EYS: variants seen among roughly 807,000 people sequenced by gnomAD.
EYS encodes the protein protein eyes shut homolog.
Under a neutral mutation model 282.1 loss-of-function variants are expected in EYS, and 250 were observed. The observed-to-expected ratio is 0.89, with a 90% CI of 0.80 to 0.98. EYS has a LOEUF of 0.98. Ranked by LOEUF, EYS falls within the 50% of genes least tolerant of loss-of-function variation. The probability of loss-of-function intolerance (pLI) is 0.00; values close to 1 mark genes in which losing one functional copy is unlikely to be tolerated. For missense variants in EYS, 4,016 were observed against 3,709.0 expected (o/e 1.08, Z -2.15); for synonymous variants, 1,355 against 1,282.9 (o/e 1.06, Z -1.20).
At chr6:64,811,159 G>T (rs1049433832) in intron 22 of EYS, among the ~76,000 whole-genome samples, 1 of 152,014 alleles carries the variant, frequency 6.6e-6, no homozygotes, top group African/African-American at 2.4e-5. Context: ...GGACTGTGTT[G>T]ATTTGGCACC....
At chr6:65,602,063 T>C (rs141518381) in intron 2 of EYS, among the ~76,000 whole-genome samples, 162 of 152,064 alleles carry the variant, frequency 1.1e-3, no homozygotes, top group African/African-American at 3.9e-3. Context: ...GCAGTGTGGA[T>C]GCATAATTTT....
intron 22 of EYS, among the ~76,000 whole-genome samples, chr6:64,754,189 GTA>G (rs1274588853): frequency 6.6e-6 from 1 of 151,916 alleles, no homozygotes; most frequent in Non-Finnish European, 1.5e-5. Flanking sequence ...CATCACACCT[GTA>G]TAAATGACAC....
chr6:64,331,978 A>G lies in EYS; in HGVS notation c.6079-24896T>C, dbSNP rs781492375. 5.7e-4 allele frequency among the ~76,000 whole-genome samples: 86 copies of G among 152,138 alleles called. 1 individual carries two copies. Among genetic ancestry groups the G allele is most frequent in the Non-Finnish European group, 4.9e-4 (33 of 68,014 alleles). ...GGACATTATTTCTAGATTTTGACTG[A>G]CTCTAACATTAGGATCAGACAGTGG... On this transcript the variant is annotated intron_variant, in intron 29 of 42. Coordinates refer to ENST00000503581, the MANE Select transcript of EYS (RefSeq NM_001142800.2).
intron 22 of EYS, among the ~76,000 whole-genome samples, chr6:64,732,679 A>G (rs1377985010): frequency 1.3e-5 from 2 of 152,186 alleles, no homozygotes; most frequent in Admixed American, 6.5e-5. Context: ...TCAAACCCAA[A>G]CCTCTAAATA....
At chr6:63,930,677 A>T (rs1033161341) in intron 35 of EYS, among the ~76,000 whole-genome samples, 2 of 152,226 alleles carry the variant, frequency 1.3e-5, no homozygotes, top group African/African-American at 2.4e-5. Context: ...TCAAAACTTC[A>T]TCATGGGTTA....
chr6:65,388,444 G>T (rs535819993), intron 7 of EYS, among the ~76,000 whole-genome samples: 1 of 152,126 alleles, frequency 6.6e-6, no homozygotes, highest in African/African-American at 2.4e-5. Context: ...TTTCAAGGCT[G>T]TGTCAGGATC....
chr6:64,556,044 G>C (rs1353065540), intron 26 of EYS, among the ~76,000 whole-genome samples: 1 of 151,990 alleles, frequency 6.6e-6, no homozygotes, highest in East Asian at 1.9e-4. Flanking sequence ...TAGTGAGAAT[G>C]CAATGGTACA....
At chr6:65,542,626 A>C (rs561985157) in intron 2 of EYS, among the ~76,000 whole-genome samples, 3 of 152,192 alleles carry the variant, frequency 2.0e-5, no homozygotes, top group African/African-American at 7.2e-5. Context: ...TCCATTTTTT[A>C]TTATGCTTGA....
In EYS at chr6:64,918,117, A is replaced by G. The variant is rs367917635; in HGVS notation, c.2382-5374T>C. On this transcript the variant is annotated intron_variant, in intron 15 of 42. Coordinates refer to ENST00000503581, the MANE Select transcript of EYS (RefSeq NM_001142800.2). ...ATTCATACCGAATTATAACATGAACATTACTAAACTCTTAACCTCTGCAAT... is the reference window on the plus strand; with the variant it reads ...ATTCATACCGAATTATAACATGAACGTTACTAAACTCTTAACCTCTGCAAT... Among the ~76,000 whole-genome samples the G allele has an allele frequency of 1.1e-4, 16 of 152,260 alleles. 1 individual carries two copies. The East Asian group carries it at 2.9e-3, about 28-fold the overall frequency.
chr6:65,374,873 C>A (rs1711883883), intron 8 of EYS, among the ~76,000 whole-genome samples: 1 of 152,172 alleles, frequency 6.6e-6, no homozygotes, highest in Non-Finnish European at 1.5e-5. Context: ...AGAAAGGCAG[C>A]TGCCCCAGTC....
intron 31 of EYS, among the ~76,000 whole-genome samples, chr6:64,180,204 A>G (rs536022414): frequency 6.6e-6 from 1 of 152,220 alleles, no homozygotes; most frequent in East Asian, 1.9e-4. Flanking sequence ...GCACATTTAA[A>G]TTCCCACTCC....
chr6:64,538,947 G>A (rs1390207094), intron 26 of EYS, among the ~76,000 whole-genome samples: 2 of 151,988 alleles, frequency 1.3e-5, no homozygotes, highest in African/African-American at 4.8e-5. Flanking sequence ...GCTCATCCCC[G>A]CTGAGCCCAG....
chr6:64,394,755 G>T (rs1773297127), intron 28 of EYS, among the ~76,000 whole-genome samples: 1 of 151,876 alleles, frequency 6.6e-6, no homozygotes, highest in South Asian at 2.1e-4. Context: ...CAAAAGCAAT[G>T]GCAACAAAAG....
chr6:64,382,303 A>G (rs999013070), intron 29 of EYS, among the ~76,000 whole-genome samples: 1 of 152,172 alleles, frequency 6.6e-6, no homozygotes, highest in Non-Finnish European at 1.5e-5. Context: ...TAAATACTAT[A>G]GCCTGAGAAC....
At chr6:65,432,419 A>C (rs1442616994) in intron 5 of EYS, among the ~76,000 whole-genome samples, 1 of 152,160 alleles carries the variant, frequency 6.6e-6, no homozygotes, top group Admixed American at 6.5e-5. Context: ...AACCATTATA[A>C]TTTATAATAA....
intron 19 of EYS, among the ~76,000 whole-genome samples, chr6:64,832,818 C>T (rs1387068230): frequency 6.6e-6 from 1 of 151,862 alleles, no homozygotes; most frequent in Non-Finnish European, 1.5e-5. Flanking sequence ...ATCACATATA[C>T]AATAATGATT....
rs2149869071 is a variant in EYS, at chr6:64,081,958, C to G, written c.6469G>C (p.Glu2157Gln). Residue 2157 changes from glutamate to glutamine, a missense_variant, in exon 32 of 43, where the codon GAA (glutamate) becomes CAA (glutamine). Glu to Gln is a conservative substitution (Grantham distance 29, BLOSUM62 2). Coordinates refer to ENST00000503581, the MANE Select transcript of EYS (RefSeq NM_001142800.2). Reference sequence around the variant, plus strand: ...AGGACAAACTTCAAAAAGGGCAGTTCTAAATAGGAATTCCCATTGAAAGAT... The same window carrying G: ...AGGACAAACTTCAAAAAGGGCAGTTGTAAATAGGAATTCCCATTGAAAGAT... ...FPSFNGNSYLELPFLKFVLEK... is the reference protein window; with the variant it reads ...FPSFNGNSYLQLPFLKFVLEK... The G allele has an allele frequency of 2.6e-6, 4 of 1,544,808 alleles. No individual in the cohort carries two copies. The highest frequency in any genetic ancestry group is 3.5e-6 in the Non-Finnish European group (4 of 1,141,484).
chr6:65,689,627 T>C (rs1272935272), intron 1 of EYS, among the ~76,000 whole-genome samples: 1 of 150,448 alleles, frequency 6.6e-6, no homozygotes, highest in Non-Finnish European at 1.5e-5. Flanking sequence ...ATATGTTTAA[T>C]AATAACATAA....
chr6:64,620,205 C>T (rs1767400899), intron 23 of EYS, among the ~76,000 whole-genome samples: 1 of 152,078 alleles, frequency 6.6e-6, no homozygotes, highest in Non-Finnish European at 1.5e-5. Flanking sequence ...TCCCCTCAGT[C>T]AGGATCAGGA....
Sources: allele counts gnomAD v4.1 joint callset (sites outside exome capture counted in the v4.1 genomes callset), GRCh38; gene constraint gnomAD v4.1.1; transcripts MANE v1.5; gene names NCBI Gene and HGNC (gene_info 2026-07-23, HGNC 2026-07-21).